The following DAAM1 variants were observed in gnomAD, a reference collection of about 807,000 sequenced individuals.
DAAM1 encodes dishevelled associated activator of morphogenesis 1.
DAAM1 carries 52 observed loss-of-function variants against 130.0 expected under a neutral mutation model. That is an observed-to-expected ratio of 0.40 (90% CI 0.32 to 0.50). The LOEUF is 0.50. DAAM1 is among the 20% of genes least tolerant of loss of function. The pLI is 0.61. For synonymous variants in DAAM1, 452 were observed against 444.5 expected (o/e 1.02, Z -0.21); for missense variants, 1,134 against 1,303.8 (o/e 0.87, Z 2.01).
chr14:59,282,304 T>C (rs1883256972), intron 2 of DAAM1, among the ~76,000 whole-genome samples: 1 of 152,208 alleles, frequency 6.6e-6, no homozygotes, highest in Non-Finnish European at 1.5e-5. Flanking sequence ...AGCTCCATGA[T>C]AGCTTTTTGA....
chr14:59,192,280 C>T (rs561918337), intron 1 of DAAM1, among the ~76,000 whole-genome samples: 1 of 151,764 alleles, frequency 6.6e-6, no homozygotes, highest in Non-Finnish European at 1.5e-5. Flanking sequence ...AGCAAAAGTT[C>T]TGATTGAAAG....
At chr14:59,225,277 C>T (rs1458974062) in intron 1 of DAAM1, among the ~76,000 whole-genome samples, 1 of 152,150 alleles carries the variant, frequency 6.6e-6, no homozygotes, top group Non-Finnish European at 1.5e-5. Flanking sequence ...CTGCCCACCT[C>T]TGCCTCCCAA....
At chr14:59,298,103 C>T (rs935834919) in intron 3 of DAAM1, among the ~76,000 whole-genome samples, 2 of 152,112 alleles carry the variant, frequency 1.3e-5, no homozygotes, top group Non-Finnish European at 2.9e-5. Context: ...TAAAATTGTT[C>T]TGTTTAAAAA....
At chr14:59,363,912 G>A in intron 23 of DAAM1, 130 bp downstream of exon 23, 2 of 1,284,320 alleles carry the variant, frequency 1.6e-6, no homozygotes, top group Non-Finnish European at 2.1e-6. Context: ...AAATAAAGTA[G>A]TAGATAATTA....
intron 5 of DAAM1, among the ~76,000 whole-genome samples, chr14:59,322,332 C>T (rs1221590833): frequency 2.0e-5 from 3 of 151,690 alleles, no homozygotes; most frequent in Non-Finnish European, 4.4e-5. Flanking sequence ...GGCAACATAG[C>T]AAGTCTCCAC....
chr14:59,222,148 A>T (rs557900284), intron 1 of DAAM1, among the ~76,000 whole-genome samples: 2 of 152,308 alleles, frequency 1.3e-5, no homozygotes, highest in East Asian at 3.9e-4. Context: ...ATGGTGCTTT[A>T]TGATGGTAGG....
intron 2 of DAAM1, 70 bp downstream of exon 2, chr14:59,263,730 A>ACAT: frequency 1.3e-6 from 2 of 1,599,044 alleles, no homozygotes; most frequent in South Asian, 2.2e-5. Flanking sequence ...GATGTGAATG[A>ACAT]GTTGGTTTGG....
chr14:59,320,678 C>A (rs1594820056), intron 5 of DAAM1, 94 bp downstream of exon 5: 2 of 855,958 alleles, frequency 2.3e-6, no homozygotes, highest in Non-Finnish European at 1.7e-6. Context: ...TAAGTTAAAA[C>A]CATAAAATTA....
chr14:59,329,937 G>T (rs939501170), intron 12 of DAAM1, among the ~76,000 whole-genome samples: 1 of 152,192 alleles, frequency 6.6e-6, no homozygotes, highest in East Asian at 1.9e-4. Context: ...AATACTTCAA[G>T]TAGCCTTCTG....
At chr14:59,296,715 T>C (rs17255562) in intron 3 of DAAM1, among the ~76,000 whole-genome samples, 49,468 of 152,008 alleles carry the variant, frequency 0.33, 9,473 homozygotes, top group East Asian at 0.56. Context: ...GATCCCGTGA[T>C]CTAGAAACTG....
intron 16 of DAAM1, among the ~76,000 whole-genome samples, chr14:59,343,047 T>G (rs1057425619): frequency 6.6e-6 from 1 of 152,110 alleles, no homozygotes. Context: ...AACCTCCTCA[T>G]CTATAAAATG....
At chr14:59,297,366 T>A (rs1041769238) in intron 3 of DAAM1, among the ~76,000 whole-genome samples, 3 of 152,214 alleles carry the variant, frequency 2.0e-5, no homozygotes, top group African/African-American at 7.2e-5. Flanking sequence ...TGATAAGAGA[T>A]GCAGAAGAGG....
At chr14:59,255,160 T>C (rs1233151568) in intron 1 of DAAM1, among the ~76,000 whole-genome samples, 1 of 152,178 alleles carries the variant, frequency 6.6e-6, no homozygotes, top group Non-Finnish European at 1.5e-5. Context: ...GAAAAGTTAC[T>C]GGGTCTAGAG....
intron 1 of DAAM1, among the ~76,000 whole-genome samples, chr14:59,204,269 C>T (rs985104197): frequency 5.3e-5 from 8 of 152,172 alleles, no homozygotes; most frequent in Non-Finnish European, 1.2e-4. Context: ...TTCTTCCAAG[C>T]TCATGAAGTG....
intron 1 of DAAM1, among the ~76,000 whole-genome samples, chr14:59,197,045 CG>C (rs1164746149): frequency 4.6e-5 from 7 of 152,006 alleles, no homozygotes; most frequent in South Asian, 2.1e-4. Context: ...CTCGGCCTCC[CG>C]GGTAGCTGGG....
At chr14:59,259,556 C>A (rs1882072010) in intron 1 of DAAM1, among the ~76,000 whole-genome samples, 1 of 152,212 alleles carries the variant, frequency 6.6e-6, no homozygotes, top group African/African-American at 2.4e-5. Context: ...TGTCAGTAGT[C>A]CCAGAATGAT....
At chr14:59,368,401 T>C (rs549524887) in intron 24 of DAAM1, among the ~76,000 whole-genome samples, 3 of 152,244 alleles carry the variant, frequency 2.0e-5, no homozygotes, top group East Asian at 3.9e-4. Context: ...TAGAATATCA[T>C]GCAGTTTACC....
intron 19 of DAAM1, among the ~76,000 whole-genome samples, chr14:59,354,816 C>G (rs1045519914): frequency 2.0e-5 from 3 of 152,188 alleles, no homozygotes; most frequent in African/African-American, 7.2e-5. Context: ...GTTAACCTGA[C>G]TCACACCAGA....
At chr14:59,276,187 C>A (rs1339300041) in intron 2 of DAAM1, among the ~76,000 whole-genome samples, 1 of 152,130 alleles carries the variant, frequency 6.6e-6, no homozygotes, top group Non-Finnish European at 1.5e-5. Context: ...ATTCATGATT[C>A]CCAGATGAGA....
Sources: gnomAD v4.1 joint callset for allele counts (sites outside exome capture counted in the v4.1 genomes callset) on GRCh38, gnomAD v4.1.1 for gene constraint, MANE v1.5 for transcripts, NCBI Gene and HGNC (gene_info 2026-07-23, HGNC 2026-07-21) for gene names.